Variants in GLYR1 observed in about 807,000 individuals in gnomAD.
The protein encoded by GLYR1 is glyoxylate reductase 1 homolog, also known as cytokine-like nuclear factor N-PAC.
GLYR1 carries 21 observed loss-of-function variants against 72.7 expected under a neutral mutation model. The ratio of observed to expected loss-of-function variants is 0.29; its 90% CI spans 0.20 to 0.42. The LOEUF is 0.42. GLYR1 is among the 10% of genes least tolerant of loss of function. The pLI, the probability that GLYR1 is intolerant of heterozygous loss-of-function variation, is 1.00. For missense variants in GLYR1, 594 were observed against 712.1 expected, an observed-to-expected ratio of 0.83 and a Z score of 1.89; for synonymous variants, 392 against 270.2, an observed-to-expected ratio of 1.45 and a Z score of -4.42.
Position 4,847,244 on chromosome 16 carries a change from G to A in GLYR1, c.22C>T (p.Leu8Phe). 1.2e-6 allele frequency: 2 copies of A among 1,609,640 alleles called. No individual in the cohort carries two copies. The highest frequency in any genetic ancestry group is 1.7e-6 in the Non-Finnish European group (2 of 1,178,874). Residue 8 changes from leucine (L) to phenylalanine (F), a missense_variant, in exon 1 of 16, where the codon CTC becomes TTC. Physicochemically the swap from Leu to Phe is conservative, Grantham distance 22. Transcript: ENST00000321919. MAAVSLR[L>F]GDLVWGKLGR... Reference sequence around the variant, plus strand: ...CGGACTCACCACACCAAGTCGCCGAGCCGCAGACTCACAGCCGCCATCTTA... The same window carrying A: ...CGGACTCACCACACCAAGTCGCCGAACCGCAGACTCACAGCCGCCATCTTA...
chr16:4,817,489 G>A, intron 10 of GLYR1, 109 bp downstream of exon 10: 1 of 681,738 alleles, frequency 1.5e-6, no homozygotes, highest in East Asian at 2.5e-5. Context: ...CTAAAAGCTT[G>A]GCTTCTATTC....
intron 5 of GLYR1, among the ~76,000 whole-genome samples, chr16:4,827,499 G>A (rs1596359299): frequency 6.6e-6 from 1 of 151,944 alleles, no homozygotes; most frequent in Non-Finnish European, 1.5e-5. Context: ...CACCTCGAAG[G>A]GTCAATAGCA....
intron 3 of GLYR1, among the ~76,000 whole-genome samples, chr16:4,841,952 C>G (rs979281732): frequency 1.3e-5 from 2 of 152,132 alleles, no homozygotes; most frequent in African/African-American, 4.8e-5. Flanking sequence ...GATTCAAATC[C>G]CATCTCTGGC....
At chr16:4,837,461 G>T (rs1174556009) in intron 3 of GLYR1, among the ~76,000 whole-genome samples, 3 of 151,756 alleles carry the variant, frequency 2.0e-5, no homozygotes, top group Admixed American at 1.3e-4. Context: ...CATACATGTA[G>T]ATACTGTATA....
intron 5 of GLYR1, among the ~76,000 whole-genome samples, chr16:4,831,278 G>A (rs549625129): frequency 3.9e-5 from 6 of 152,234 alleles, no homozygotes; most frequent in Non-Finnish European, 8.8e-5. Flanking sequence ...TTGGCTCTGA[G>A]ACTTTCCCCT....
chr16:4,846,023 A>C (rs1178895018), intron 2 of GLYR1, 151 bp downstream of exon 2: 2 of 779,442 alleles, frequency 2.6e-6, no homozygotes, highest in Non-Finnish European at 4.5e-6. Flanking sequence ...GCCTTTTAAA[A>C]AATAACCGAT....
At chr16:4,811,856 T>C (rs2083339161) in intron 13 of GLYR1, 54 bp from the exon 14 acceptor site, 2 of 1,562,798 alleles carry the variant, frequency 1.3e-6, no homozygotes, top group African/African-American at 1.4e-5. Flanking sequence ...AGACAGGGCT[T>C]CTCTGTCCAC....
At chr16:4,844,980 G>C (rs1041365192) in intron 3 of GLYR1, 94 bp downstream of exon 3, 82 of 829,762 alleles carry the variant, frequency 9.9e-5, no homozygotes, top group Non-Finnish European at 1.6e-4. Context: ...TAAGAAGACT[G>C]AACTAAGGAT....
intron 3 of GLYR1, chr16:4,843,875 G>C (rs1388369820): frequency 1.0e-5 from 2 of 198,470 alleles, no homozygotes; most frequent in South Asian, 6.0e-5. Context: ...GGGGTTGGGG[G>C]GGGGAGGGGC....
intron 3 of GLYR1, 40 bp from the exon 4 acceptor site, chr16:4,832,952 G>C: frequency 1.3e-6 from 2 of 1,563,048 alleles, no homozygotes; most frequent in South Asian, 2.4e-5. Context: ...GAACCATATA[G>C]CATATGCCCT....
Position 4,843,791 on chromosome 16 carries a change from C to T in GLYR1, c.155+1283G>A, listed in dbSNP as rs111380089. On this transcript the variant is annotated intron_variant, in intron 3 of 15. Transcript: ENST00000321919. ...CCTATAAGAATAATAAATAGAAATA[C>T]AACTACTTAAAGAAATCAAACCGGC... The T allele has an allele frequency of 7.9e-6, 3 of 379,570 alleles. No individual in the cohort carries two copies. In the East Asian group the frequency reaches 3.8e-4, roughly 48 times the overall value. 23.5% of individuals were successfully genotyped at this position (379,570 alleles called of 1,614,324 possible).
rs762110925 is a variant in GLYR1, at chr16:4,835,809, C to T, written c.156-2897G>A. ...TTGTGCCACTGCACTCCAGCCTGGG[C>T]AACAGAGTGAGACTCCACCTCAAAA... On this transcript the variant is annotated intron_variant, in intron 3 of 15. Transcript: ENST00000321919. Among the ~76,000 whole-genome samples, 249 of 152,260 alleles carry T rather than the reference C, an allele frequency of 1.6e-3. 4 individuals are homozygous for T. Among genetic ancestry groups the T allele is most frequent in the Non-Finnish European group, 2.5e-4 (17 of 68,018 alleles).
At chr16:4,807,104 C>T (rs1468956459) in intron 15 of GLYR1, among the ~76,000 whole-genome samples, 2 of 137,350 alleles carry the variant, frequency 1.5e-5, no homozygotes, top group East Asian at 2.1e-4. Context: ...CTGCGCCTGG[C>T]CCCTTTTTTT....
chr16:4,809,084 ACTGT>A (rs558817234), intron 15 of GLYR1, among the ~76,000 whole-genome samples: 131 of 152,322 alleles, frequency 8.6e-4, no homozygotes, highest in African/African-American at 3.0e-3. Flanking sequence ...CCAATTACAT[ACTGT>A]CTATCAAAGC....
chr16:4,840,528 A>G (rs1215276333), intron 3 of GLYR1, among the ~76,000 whole-genome samples: 1 of 151,684 alleles, frequency 6.6e-6, no homozygotes, highest in African/African-American at 2.4e-5. Flanking sequence ...TTTCTTTTCA[A>G]ACAAACACAC....
chr16:4,820,612 G>A (rs2083950352), intron 9 of GLYR1, among the ~76,000 whole-genome samples: 1 of 152,152 alleles, frequency 6.6e-6, no homozygotes, highest in African/African-American at 2.4e-5. Flanking sequence ...GGTAGCATTA[G>A]TGATTTAAAC....
intron 5 of GLYR1, among the ~76,000 whole-genome samples, chr16:4,830,434 C>A (rs2084720313): frequency 1.3e-5 from 2 of 152,098 alleles, no homozygotes; most frequent in Admixed American, 1.3e-4. Context: ...AGCATGACCT[C>A]CCCAGACTCC....
In GLYR1 at chr16:4,831,806, G is replaced by C. The variant is rs138217708; in HGVS notation, c.537+173C>G. ...CTGACTCAGCCTCCTGAGTTGCTGG[G>C]ATAAAGCATGAGCCACCGCACCTGC... On this transcript the variant is annotated intron_variant, in intron 5 of 15. Coordinates refer to ENST00000321919, the MANE Select transcript of GLYR1 (RefSeq NM_032569.4). Among the ~76,000 whole-genome samples the C allele has an allele frequency of 2.2e-3, 335 of 152,302 alleles. 2 individuals are homozygous for C. The highest frequency in any genetic ancestry group is 7.7e-3 in the African/African-American group (321 of 41,566).
intron 3 of GLYR1, chr16:4,839,477 G>A (rs1050424363): frequency 3.3e-5 from 5 of 152,238 alleles, no homozygotes; most frequent in African/African-American, 1.2e-4. Context: ...AGGGACCCTC[G>A]TGCACTTGAC....
Sources: gnomAD v4.1 joint callset for allele counts (sites outside exome capture counted in the v4.1 genomes callset) on GRCh38, gnomAD v4.1.1 for gene constraint, MANE v1.5 for transcripts, NCBI Gene and HGNC (gene_info 2026-07-23, HGNC 2026-07-21) for gene names.